The following MMS22L variants were observed in gnomAD, a reference collection of about 807,000 sequenced individuals.
MMS22L encodes MMS22 like, DNA repair protein.
MMS22L carries 74 observed loss-of-function variants against 159.1 expected under a neutral mutation model. That is an observed-to-expected ratio of 0.47 (90% CI 0.39 to 0.56). MMS22L has a LOEUF of 0.56. MMS22L is among the 20% of genes least tolerant of loss of function. MMS22L has a pLI of 0.00. For synonymous variants in MMS22L, 517 were observed against 506.9 expected, an observed-to-expected ratio of 1.02 and a Z score of -0.27; for missense variants, 1,351 against 1,422.1, an observed-to-expected ratio of 0.95 and a Z score of 0.80.
intron 22 of MMS22L, among the ~76,000 whole-genome samples, chr6:97,155,956 A>C (rs1381067256): frequency 6.6e-6 from 1 of 152,172 alleles, no homozygotes; most frequent in Non-Finnish European, 1.5e-5. Flanking sequence ...AACAGTGTGA[A>C]AGTGTTCCTA....
At chr6:97,212,607 A>G (rs960914911) in intron 14 of MMS22L, among the ~76,000 whole-genome samples, 2 of 152,218 alleles carry the variant, frequency 1.3e-5, no homozygotes, top group African/African-American at 4.8e-5. Context: ...AATACGTATC[A>G]TTATACACAT....
At position 97,178,576 on chromosome 6, in the gene MMS22L, T is replaced by A. The variant is rs1275484678; in HGVS notation, c.2546A>T (p.Tyr849Phe). The change falls in exon 18 of 25, where the codon TAC (tyrosine) becomes TTC (phenylalanine). Residue 849 changes from tyrosine to phenylalanine, a missense_variant. Coordinates refer to ENST00000683635, the MANE Select transcript of MMS22L (RefSeq NM_001350599.2). ...TGTCAGTTTGACCAACTGTTTCATG[T>A]ACTCTTTTTCTGTTAAAATAAAATA... ...KNLEEAVEKE[Y>F]MKQLVKLTRL... 6.6e-7 allele frequency: 1 copy of A among 1,514,322 alleles called. No homozygotes were observed. The highest frequency in any genetic ancestry group is 2.3e-5 in the East Asian group (1 of 43,854). 93.8% of individuals were successfully genotyped at this position (1,514,322 alleles called of 1,614,324 possible). A position where few individuals can be genotyped will look rare whatever the true frequency, so the allele number is the denominator to read the frequency against.
At chr6:97,268,213 A>C (rs2128085831) in intron 7 of MMS22L, among the ~76,000 whole-genome samples, 1 of 145,814 alleles carries the variant, frequency 6.9e-6, no homozygotes, top group Non-Finnish European at 1.5e-5. Flanking sequence ...TTTTGAGGCG[A>C]GGTCTCTGTC....
intron 19 of MMS22L, among the ~76,000 whole-genome samples, chr6:97,171,579 C>G (rs1198851606): frequency 6.6e-6 from 1 of 152,160 alleles, no homozygotes; most frequent in Non-Finnish European, 1.5e-5. Flanking sequence ...ATCCACCATG[C>G]CTTTTCAGAA....
chr6:97,147,662 C>A (rs1041697461), intron 24 of MMS22L, among the ~76,000 whole-genome samples: 2 of 152,252 alleles, frequency 1.3e-5, no homozygotes, highest in East Asian at 3.9e-4. Context: ...TGTGACATGA[C>A]AATAAACACC....
In MMS22L at chr6:97,281,376, T is replaced by C. The variant is rs1816741450; in HGVS notation, c.165-14A>G. 1.3e-6 allele frequency: 2 copies of C among 1,580,144 alleles called. No individual in the cohort carries two copies. Among genetic ancestry groups the C allele is most frequent in the Non-Finnish European group, 8.6e-7 (1 of 1,163,240 alleles). On this transcript the variant is annotated splice_polypyrimidine_tract_variant and intron_variant, in intron 2 of 24. Coordinates refer to ENST00000683635, the MANE Select transcript of MMS22L (RefSeq NM_001350599.2). ...TTCAAAATCAATCTGAAATGAAAATTGTTTCAATCTCATAAAAAGTATACT... is the reference window on the plus strand; with the variant it reads ...TTCAAAATCAATCTGAAATGAAAATCGTTTCAATCTCATAAAAAGTATACT...
chr6:97,215,064 AT>A (rs941442896), intron 14 of MMS22L, among the ~76,000 whole-genome samples: 3 of 146,240 alleles, frequency 2.1e-5, no homozygotes, highest in South Asian at 2.1e-4. Context: ...CCAATTTCTG[AT>A]TTTTTTCACA....
In MMS22L at chr6:97,246,669, T is replaced by A. The variant is rs1478257074; in HGVS notation, c.1141A>T (p.Asn381Tyr). The A allele has an allele frequency of 6.2e-7, 1 of 1,611,024 alleles. No homozygotes were observed. The highest frequency in any genetic ancestry group is 1.1e-5 in the South Asian group (1 of 90,534). The change falls in exon 11 of 25, where the codon AAC (asparagine) becomes TAC (tyrosine). Residue 381 changes from asparagine to tyrosine, a missense_variant. Transcript: ENST00000683635. The part of the protein sequence containing the change: ...DEMRKVESNW[N>Y]FVEELLKKSI... Reference sequence around the variant, plus strand: ...TTTTTCAGCAGTTCTTCTACAAAGTTCCAATTTGATTCCACTTTTCTCTAG... The same window carrying A: ...TTTTTCAGCAGTTCTTCTACAAAGTACCAATTTGATTCCACTTTTCTCTAG...
At chr6:97,220,101 T>C (rs1304772674) in intron 14 of MMS22L, among the ~76,000 whole-genome samples, 1 of 152,178 alleles carries the variant, frequency 6.6e-6, no homozygotes, top group African/African-American at 2.4e-5. Context: ...TCTGCTATAC[T>C]GGTCATGTTC....
rs768149689 is a variant in MMS22L, at chr6:97,168,150, T to C, written c.2930A>G (p.His977Arg). ...TTCCTTCTCTTGCTGTAATACTGCA[T>C]GTGGCAGCAGTAAACAATCTATGAT... Reference protein sequence around the residue: ...FRIIDCLLLPHAVLQQEKELP... With the variant: ...FRIIDCLLLPRAVLQQEKELP... Residue 977 changes from histidine to arginine, a missense_variant, in exon 20 of 25, where the codon CAT becomes CGT. By Grantham distance (29) the His-to-Arg change is conservative. Coordinates refer to ENST00000683635, the MANE Select transcript of MMS22L (RefSeq NM_001350599.2). 9.9e-6 allele frequency: 16 copies of C among 1,612,990 alleles called. No individual in the cohort carries two copies. Among genetic ancestry groups the C allele is most frequent in the East Asian group, 4.5e-5 (2 of 44,856 alleles).
chr6:97,267,832 T>C lies in MMS22L; in HGVS notation c.828+40A>G, dbSNP rs759659942. On this transcript the variant is annotated intron_variant, in intron 8 of 24. Coordinates refer to ENST00000683635, the MANE Select transcript of MMS22L (RefSeq NM_001350599.2). The stretch of plus-strand genomic sequence containing the variant: ...ACGACATGCATTAAGGACTGAATAC[T>C]GTCTTTAAGTCTCAAAAATACAAAC... 20 of 1,524,376 alleles carry C rather than the reference T, an allele frequency of 1.3e-5. No individual in the cohort carries two copies. In the Admixed American group the frequency reaches 3.9e-4, roughly 30 times the overall value. 94.4% of individuals were successfully genotyped at this position (1,524,376 alleles called of 1,614,324 possible). A position where few individuals can be genotyped will look rare whatever the true frequency, so the allele number is the denominator to read the frequency against.
chr6:97,221,344 T>C (rs925964963), intron 14 of MMS22L, among the ~76,000 whole-genome samples: 3 of 152,068 alleles, frequency 2.0e-5, no homozygotes, highest in Non-Finnish European at 2.9e-5. Context: ...CAAATACTAA[T>C]TCCTATGCGT....
chr6:97,189,551 C>CAAAAAAAAA (rs67620002), intron 14 of MMS22L, among the ~76,000 whole-genome samples: 8 of 55,228 alleles, frequency 1.4e-4, no homozygotes, highest in Admixed American at 3.4e-4. Context: ...ACTCTGTCTC[C>CAAAAAAAAA]AAAAAAAAAA....
At chr6:97,217,349 G>A (rs755548145) in intron 14 of MMS22L, among the ~76,000 whole-genome samples, 12 of 152,030 alleles carry the variant, frequency 7.9e-5, no homozygotes, top group Non-Finnish European at 1.5e-4. Context: ...AGGTTCAAGC[G>A]ATTCTCCTGC....
At chr6:97,239,910 CTT>C (rs1421555214) in intron 11 of MMS22L, among the ~76,000 whole-genome samples, 1 of 152,142 alleles carries the variant, frequency 6.6e-6, no homozygotes, top group African/African-American at 2.4e-5. Context: ...GACTCTGTCT[CTT>C]TAAACAAAAA....
Position 97,231,450 on chromosome 6 carries a change from T to A in MMS22L, c.1505A>T (p.His502Leu), listed in dbSNP as rs145638531. 629 of 1,613,586 alleles carry A rather than the reference T, an allele frequency of 3.9e-4. No homozygotes were observed. Among genetic ancestry groups the A allele is most frequent in the Non-Finnish European group, 4.8e-4 (568 of 1,179,702 alleles). Residue 502 changes from histidine to leucine, a missense_variant, in exon 13 of 25, where the codon CAT becomes CTT. Transcript: ENST00000683635. ...VKKAMKSNGP[H>L]PWKQVKGRIY... ...CCTTCCTTTGACTTGTTTCCAAGGA[T>A]GAGGGCCATTGCTCTTCATTGCTTT...
intron 14 of MMS22L, among the ~76,000 whole-genome samples, chr6:97,224,389 C>A (rs923958764): frequency 6.6e-6 from 1 of 151,822 alleles, no homozygotes; most frequent in Non-Finnish European, 1.5e-5. Flanking sequence ...GGCTTTAATG[C>A]TAAAGGATTT....
intron 11 of MMS22L, among the ~76,000 whole-genome samples, chr6:97,242,502 T>C (rs1307648365): frequency 6.6e-6 from 1 of 152,186 alleles, no homozygotes; most frequent in Non-Finnish European, 1.5e-5. Context: ...TTAAGTCTCT[T>C]GGAGACAGCA....
At chr6:97,266,715 T>C (rs1337755910) in intron 8 of MMS22L, 2 of 152,244 alleles carry the variant, frequency 1.3e-5, no homozygotes, top group South Asian at 2.1e-4. Flanking sequence ...CTGGAGGACA[T>C]TAAATTAAGT....
Sources: allele counts gnomAD v4.1 joint callset (sites outside exome capture counted in the v4.1 genomes callset), GRCh38; gene constraint gnomAD v4.1.1; transcripts MANE v1.5; gene names NCBI Gene and HGNC (gene_info 2026-07-23, HGNC 2026-07-21).